Variants in FGD6 observed in about 807,000 individuals in gnomAD.
FGD6 encodes FYVE, RhoGEF and PH domain-containing protein 6.
In FGD6, 90 loss-of-function variants were observed where a neutral mutation model predicts 149.4. The ratio of observed to expected loss-of-function variants is 0.60; its 90% confidence interval spans 0.51 to 0.72. The LOEUF is 0.72. FGD6 is among the 30% of genes least tolerant of loss of function. The probability of loss-of-function intolerance (pLI) is 0.00; values close to 1 mark genes in which losing one functional copy is unlikely to be tolerated. For synonymous variants in FGD6, 527 were observed against 584.0 expected (o/e 0.90, Z 1.41); for missense variants, 1,437 against 1,684.8 (o/e 0.85, Z 2.57).
At chr12:95,101,218 A>G (rs1287727264) in intron 14 of FGD6, among the ~76,000 whole-genome samples, 1 of 150,826 alleles carries the variant, frequency 6.6e-6, no homozygotes, top group East Asian at 1.9e-4. Context: ...ATGGCGGCGC[A>G]CCCCTGTAGT....
chr12:95,210,434 T>C lies in FGD6; in HGVS notation c.850A>G (p.Ile284Val). The stretch of plus-strand genomic sequence containing the variant: ...TTCTTACTAACTCCATCTGAAGATA[T>C]TAAAGTACTCCTTTTCCCATTTTCC... Reference protein sequence around the residue: ...ALENGKRSTLISSDGVSKKSE... With the variant: ...ALENGKRSTLVSSDGVSKKSE... The change falls in exon 2 of 21, where the codon ATA (isoleucine) becomes GTA (valine). Residue 284 changes from isoleucine (I) to valine (V), a missense_variant. Physicochemically the swap from Ile to Val is conservative, Grantham distance 29. Around this residue, in one of 2 missense-constraint regions of FGD6, gnomAD observed 1,055 missense variants for 1,146.0 expected, o/e 0.92. Coordinates refer to ENST00000343958, the MANE Select transcript of FGD6 (RefSeq NM_018351.4). The C allele has an allele frequency of 1.2e-6, 2 of 1,614,116 alleles. No individual in the cohort carries two copies. The highest frequency in any genetic ancestry group is 1.1e-5 in the South Asian group (1 of 91,048).
intron 5 of FGD6, among the ~76,000 whole-genome samples, chr12:95,148,271 C>T: frequency 9.8e-6 from 1 of 102,216 alleles, no homozygotes; most frequent in East Asian, 2.6e-4. Context: ...TCTTCTATTC[C>T]TTTTACAATG....
At chr12:95,171,396 T>TG (rs1330876379) in intron 3 of FGD6, among the ~76,000 whole-genome samples, 3 of 152,230 alleles carry the variant, frequency 2.0e-5, no homozygotes, top group Non-Finnish European at 4.4e-5. Flanking sequence ...GTAACATTCC[T>TG]GGGGATATTG....
rs1007575963 is a variant in FGD6, at chr12:95,102,812, G to A, written c.3497+2195C>T. The stretch of plus-strand genomic sequence containing the variant: ...TTATAAAGGTTGTCAGAAACACCTA[G>A]GTTCAAATCACAGCTCCACTGCTTA... On this transcript the variant is annotated intron_variant, in intron 14 of 20. Transcript: ENST00000343958. Among the ~76,000 whole-genome samples the A allele has an allele frequency of 2.6e-5, 4 of 152,230 alleles. No homozygotes were observed. In the East Asian group the frequency reaches 7.7e-4, roughly 29 times the overall value.
At chr12:95,215,946 A>AAG (rs1226900039) in intron 1 of FGD6, among the ~76,000 whole-genome samples, 4 of 152,232 alleles carry the variant, frequency 2.6e-5, no homozygotes, top group Non-Finnish European at 4.4e-5. Context: ...TTCTTGAACG[A>AAG]AGGTAAGGCA....
intron 9 of FGD6, among the ~76,000 whole-genome samples, chr12:95,109,992 TC>T (rs1235293586): frequency 2.2e-5 from 2 of 89,164 alleles, no homozygotes; most frequent in East Asian, 3.6e-4. Context: ...GCTTCTGTAT[TC>T]TTTTTTTTTT....
At chr12:95,112,150 C>G (rs1565898934) in intron 9 of FGD6, among the ~76,000 whole-genome samples, 1 of 152,126 alleles carries the variant, frequency 6.6e-6, no homozygotes, top group Non-Finnish European at 1.5e-5. Context: ...AAGAGAATTA[C>G]TTGAGCCCAG....
At chr12:95,088,699 G>C (rs985860579) in intron 18 of FGD6, among the ~76,000 whole-genome samples, 3 of 152,168 alleles carry the variant, frequency 2.0e-5, no homozygotes, top group African/African-American at 7.2e-5. Flanking sequence ...ACAAGAGATG[G>C]GTGGATAAAC....
At chr12:95,207,614 A>G (rs1592877901) in intron 2 of FGD6, among the ~76,000 whole-genome samples, 2 of 152,232 alleles carry the variant, frequency 1.3e-5, no homozygotes, top group Middle Eastern at 3.4e-3. Flanking sequence ...CTCTTGGCCT[A>G]TTTTCATTCA....
chr12:95,097,814 A>G (rs905570770), intron 14 of FGD6, among the ~76,000 whole-genome samples: 4 of 152,272 alleles, frequency 2.6e-5, no homozygotes, highest in Non-Finnish European at 5.9e-5. Flanking sequence ...CACACAAAAT[A>G]TACCTCACTT....
chr12:95,134,612 C>T, intron 8 of FGD6, 127 bp downstream of exon 8: 1 of 791,168 alleles, frequency 1.3e-6, no homozygotes. Flanking sequence ...ATCTACAAAT[C>T]CACGTATTAG....
intron 2 of FGD6, among the ~76,000 whole-genome samples, chr12:95,196,078 G>A (rs1049988324): frequency 3.3e-5 from 5 of 152,040 alleles, no homozygotes; most frequent in Non-Finnish European, 7.4e-5. Context: ...TTGAGATCAC[G>A]CTGCTGCACT....
intron 2 of FGD6, among the ~76,000 whole-genome samples, chr12:95,190,741 A>G (rs1235321747): frequency 2.0e-5 from 3 of 152,068 alleles, no homozygotes; most frequent in African/African-American, 4.8e-5. Context: ...AATCATTCTG[A>G]TATTTCCCCA....
In FGD6 at chr12:95,078,694, G is replaced by A. The variant is rs1453758462; in HGVS notation, c.*2826C>T. 1 of 152,200 alleles carries A rather than the reference G, an allele frequency of 6.6e-6. No homozygotes were observed. Among genetic ancestry groups the A allele is most frequent in the Non-Finnish European group, 1.5e-5 (1 of 68,044 alleles). The allele number at this position is 152,200 out of a possible 1,614,324, so 9.4% of individuals were successfully genotyped here. A position where few individuals can be genotyped will look rare whatever the true frequency, so the allele number is the denominator to read the frequency against. ...AGAGTCGGAAATGTGGATGATGCCA[G>A]AGATAATTACTCTCATTTTCTTAGG... On this transcript the variant is annotated 3_prime_UTR_variant, in exon 21 of 21. Transcript: ENST00000343958.
intron 8 of FGD6, among the ~76,000 whole-genome samples, chr12:95,114,869 T>G (rs1878959806): frequency 6.6e-6 from 1 of 152,092 alleles, no homozygotes. Context: ...AATGGGCCCT[T>G]TGTTCTGACT....
At chr12:95,214,915 T>C (rs1175369046) in intron 1 of FGD6, among the ~76,000 whole-genome samples, 1 of 148,044 alleles carries the variant, frequency 6.8e-6, no homozygotes, top group African/African-American at 2.5e-5. Flanking sequence ...CAGGCTAGAG[T>C]GCAGTGGCTC....
intron 2 of FGD6, among the ~76,000 whole-genome samples, chr12:95,192,566 C>T (rs958156558): frequency 2.0e-5 from 3 of 152,064 alleles, no homozygotes; most frequent in Non-Finnish European, 4.4e-5. Context: ...GGCAGTGTAA[C>T]AAAATTTAGG....
chr12:95,172,684 C>T lies in FGD6; in HGVS notation c.2502G>A (p.Glu834=), dbSNP rs1414467829. 1 of 1,612,748 alleles carries T rather than the reference C, an allele frequency of 6.2e-7. No homozygotes were observed. Among genetic ancestry groups the T allele is most frequent in the African/African-American group, 1.3e-5 (1 of 74,880 alleles). Reference sequence around the variant, plus strand: ...CATCAGAACTGTTGATGATTTCCTCCTCATCAGAGGGAAGGTCACCAAGAC... The same window carrying T: ...CATCAGAACTGTTGATGATTTCCTCTTCATCAGAGGGAAGGTCACCAAGAC... The part of the protein sequence containing the change: ...DLGLGDLPSD[E]EEIINSSDED... Residue 834 remains glutamate, a synonymous_variant, in exon 3 of 21, where the codon GAG becomes GAA. Coordinates refer to ENST00000343958, the MANE Select transcript of FGD6 (RefSeq NM_018351.4).
At chr12:95,117,585 T>C (rs1006728474) in intron 8 of FGD6, among the ~76,000 whole-genome samples, 1 of 152,062 alleles carries the variant, frequency 6.6e-6, no homozygotes, top group Non-Finnish European at 1.5e-5. Context: ...TACTACCACG[T>C]TGGGCTAAGT....
Sources: allele counts gnomAD v4.1 joint callset (sites outside exome capture counted in the v4.1 genomes callset), GRCh38; gene constraint gnomAD v4.1.1; regional missense constraint gnomAD v4.1.1; transcripts MANE v1.5; gene names NCBI Gene and HGNC (gene_info 2026-07-23, HGNC 2026-07-21).